The following HSPD1 variants were observed in gnomAD, a reference collection of about 807,000 sequenced individuals.
The protein encoded by HSPD1 is heat shock protein family D (Hsp60) member 1.
Under a neutral mutation model 53.0 loss-of-function variants are expected in HSPD1, and 3 were observed. The observed-to-expected ratio is 0.06, with a 90% confidence interval of 0.03 to 0.15. The LOEUF (loss-of-function observed/expected upper bound fraction) is 0.15, where lower values mean the gene tolerates loss of function less well. HSPD1 is among the 10% of genes least tolerant of loss of function. The pLI, the probability that HSPD1 is intolerant of heterozygous loss-of-function variation, is 1.00. For synonymous variants in HSPD1, 200 were observed against 228.0 expected (o/e 0.88, Z 1.10); for missense variants, 431 against 694.1 (o/e 0.62, Z 4.26).
intron 4 of HSPD1, 142 bp downstream of exon 4, chr2:197,495,152 G>C (rs966692366): frequency 3.0e-6 from 2 of 670,656 alleles, no homozygotes; most frequent in African/African-American, 3.6e-5. Context: ...CTTTTCAAAG[G>C]TTTTAGCAGT....
rs1559303638 is a variant in HSPD1 at position 197,497,018 on chromosome 2, C to T, written c.427+122G>A. On this transcript the variant is annotated intron_variant, in intron 3 of 11. Transcript: ENST00000388968. ...AAACCCAGTTTAAGATTTCTCCAGG[C>T]CAAGAGGAGGAATGAGAGAAGGATT... The T allele has an allele frequency of 7.0e-6, 7 of 1,004,412 alleles. No homozygotes were observed. In the East Asian group the frequency reaches 1.5e-4, roughly 21 times the overall value. The allele number at this position is 1,004,412 out of a possible 1,614,324, so 62.2% of individuals were successfully genotyped here.
At chr2:197,498,653 A>C (rs1299055987) in intron 2 of HSPD1, 22 bp downstream of exon 2, 7 of 1,603,946 alleles carry the variant, frequency 4.4e-6, no homozygotes, top group Non-Finnish European at 6.0e-6. Flanking sequence ...CCGTAATTAC[A>C]ATAAAATAAA....
intron 7 of HSPD1, among the ~76,000 whole-genome samples, chr2:197,492,529 A>G (rs2086105983): frequency 6.6e-6 from 1 of 151,996 alleles, no homozygotes; most frequent in South Asian, 2.1e-4. Flanking sequence ...TCCCTGTTCT[A>G]TGCAAAATAA....
At chr2:197,489,301 A>C in intron 8 of HSPD1, 54 bp from the exon 9 acceptor site, 7 of 1,587,552 alleles carry the variant, frequency 4.4e-6, no homozygotes, top group Non-Finnish European at 6.1e-6. Context: ...CTGCCATTAT[A>C]CCAAGTTTAT....
intron 10 of HSPD1, 26 bp downstream of exon 10, chr2:197,488,291 A>G (rs373661011): frequency 1.1e-5 from 17 of 1,608,138 alleles, no homozygotes; most frequent in Non-Finnish European, 1.4e-5. Flanking sequence ...TCAGGCCACA[A>G]ACTCATTTAA....
Position 197,487,024 on chromosome 2 carries a change from A to AG in HSPD1, c.*21dup, listed in dbSNP as rs1424145905. 1 of 1,122,484 alleles carries AG rather than the reference A, an allele frequency of 8.9e-7. No individual in the cohort carries two copies. The highest frequency in any genetic ancestry group is 1.4e-6 in the Non-Finnish European group (1 of 733,106). The allele number at this position is 1,122,484 out of a possible 1,614,324, so 69.5% of individuals were successfully genotyped here. A position where few individuals can be genotyped will look rare whatever the true frequency, so the allele number is the denominator to read the frequency against. On this transcript the variant is annotated 3_prime_UTR_variant, in exon 12 of 12. Transcript: ENST00000388968. ...GCTTCCTGTCACAGTTCATTAATAA[A>AG]GGTAAAGCACTAGTCTAGGAGTTAG...
At chr2:197,495,131 T>C (rs1339496233) in intron 4 of HSPD1, 163 bp downstream of exon 4, 12 of 645,748 alleles carry the variant, frequency 1.9e-5, no homozygotes, top group Non-Finnish European at 3.4e-5. Flanking sequence ...ACAACCATTA[T>C]GGTCATAATT....
intron 4 of HSPD1, 22 bp from the exon 5 acceptor site, chr2:197,494,774 T>C (rs2086137702): frequency 6.5e-7 from 1 of 1,533,316 alleles, no homozygotes; most frequent in Non-Finnish European, 9.0e-7. Context: ...CAGTTACTCT[T>C]CGAAATTAAA....
intron 8 of HSPD1, 64 bp downstream of exon 8, chr2:197,490,129 TAAAC>T (rs2086072780): frequency 8.9e-7 from 1 of 1,129,652 alleles, no homozygotes; most frequent in African/African-American, 1.5e-5. Context: ...TGTGAAATGT[TAAAC>T]TATCTATAAA....
intron 6 of HSPD1, among the ~76,000 whole-genome samples, chr2:197,493,815 A>G (rs184118951): frequency 8.8e-4 from 134 of 152,262 alleles, no homozygotes; most frequent in African/African-American, 3.2e-3. Context: ...AAAATTCAAA[A>G]ATTGGCCAGG....
chr2:197,490,042 G>A (rs2086072050), intron 8 of HSPD1, among the ~76,000 whole-genome samples, 155 bp downstream of exon 8: 2 of 152,154 alleles, frequency 1.3e-5, no homozygotes, highest in Non-Finnish European at 1.5e-5. Context: ...GGCCAGACTT[G>A]TGGCAAATTA....
Position 197,498,831 on chromosome 2 carries a change from T to A in HSPD1, c.18A>T (p.Thr6=). ...ACACCGGTCTCATCTGGCGAAAGAC[T>A]GTGGGTAACCGAAGCATTTCTGGGG... MLRLP[T]VFRQMRPVSR... is the part of the protein sequence containing the mutation. The change falls in exon 2 of 12, where the codon ACA becomes ACT. Residue 6 remains threonine (T), a synonymous_variant. Coordinates refer to ENST00000388968, the MANE Select transcript of HSPD1 (RefSeq NM_002156.5). 6.2e-7 allele frequency: 1 copy of A among 1,614,204 alleles called. No homozygotes were observed. Among genetic ancestry groups the A allele is most frequent in the Non-Finnish European group, 8.5e-7 (1 of 1,180,040 alleles).
At chr2:197,496,877 T>C (rs898504054) in intron 3 of HSPD1, 2 of 468,004 alleles carry the variant, frequency 4.3e-6, no homozygotes, top group African/African-American at 3.9e-5. Flanking sequence ...TCCAGTGCAG[T>C]CCAGCCTGGG....
rs774482203 is a variant in HSPD1 at position 197,498,819 on chromosome 2, C to A, written c.30G>T (p.Gln10His). The A allele has an allele frequency of 1.2e-5, 19 of 1,614,100 alleles. No homozygotes were observed. The highest frequency in any genetic ancestry group is 8.5e-7 in the Non-Finnish European group (1 of 1,180,056). ...CCAGTACCCTGGACACCGGTCTCAT[C>A]TGGCGAAAGACTGTGGGTAACCGAA... MLRLPTVFR[Q>H]MRPVSRVLAP... The change falls in exon 2 of 12, where the codon CAG (glutamine) becomes CAT (histidine). Residue 10 changes from glutamine to histidine, a missense_variant. By Grantham distance (24) the Gln-to-His change is conservative (BLOSUM62 0). This residue lies in a region of HSPD1 where 45 missense variants were observed against 36.5 expected (regional missense o/e 1.23). Transcript: ENST00000388968.
intron 2 of HSPD1, among the ~76,000 whole-genome samples, chr2:197,498,185 GAT>G (rs1457117807): frequency 3.9e-5 from 6 of 152,284 alleles, no homozygotes; most frequent in Middle Eastern, 3.4e-3. Flanking sequence ...GGATGGTGGT[GAT>G]GACTGCACAA....
intron 3 of HSPD1, among the ~76,000 whole-genome samples, chr2:197,495,896 T>C (rs2086151648): frequency 1.3e-5 from 2 of 152,138 alleles, no homozygotes; most frequent in Admixed American, 1.3e-4. Context: ...ATTTTGAAAA[T>C]AGGACTAAAA....
intron 7 of HSPD1, among the ~76,000 whole-genome samples, chr2:197,491,361 C>T (rs962799885): frequency 9.2e-5 from 14 of 151,822 alleles, no homozygotes; most frequent in Admixed American, 5.3e-4. Flanking sequence ...GGGGTTTCAC[C>T]GTATTAGCCA....
intron 8 of HSPD1, among the ~76,000 whole-genome samples, chr2:197,489,914 G>T (rs2086070625): frequency 6.7e-6 from 1 of 150,362 alleles, no homozygotes; most frequent in Non-Finnish European, 1.5e-5. Flanking sequence ...TATAGATCAA[G>T]TCAAGAATAG....
rs775037805 is a variant in HSPD1, at chr2:197,488,326, G to T, written c.1381C>A (p.Gln461Lys). ...AAAGGTAACTTTTTACCAATTTTTT[G>T]ATCTTCATTAGCTGGAGTCAATGAG... ...LDSLTPANEDQKIGIEIIKRT... is the reference protein window; with the variant it reads ...LDSLTPANEDKKIGIEIIKRT... Residue 461 changes from glutamine to lysine, a missense_variant, in exon 10 of 12, where the codon CAA becomes AAA. Gln to Lys is a moderately conservative substitution (Grantham distance 53, BLOSUM62 1). Transcript: ENST00000388968. 2.5e-6 allele frequency: 4 copies of T among 1,613,860 alleles called. No individual in the cohort carries two copies. Among genetic ancestry groups the T allele is most frequent in the East Asian group, 4.5e-5 (2 of 44,890 alleles).
Sources: allele counts gnomAD v4.1 joint callset (sites outside exome capture counted in the v4.1 genomes callset), GRCh38; gene constraint gnomAD v4.1.1; regional missense constraint gnomAD v4.1.1; transcripts MANE v1.5; gene names NCBI Gene and HGNC (gene_info 2026-07-23, HGNC 2026-07-21).